The following DIDO1 variants were observed in gnomAD, a reference collection of about 807,000 sequenced individuals.
The protein encoded by DIDO1 is death-inducer obliterator 1.
A neutral mutation model predicts 99.4 loss-of-function variants in DIDO1; 16 were observed. The ratio of observed to expected loss-of-function variants is 0.16; its 90% CI spans 0.11 to 0.24. The LOEUF (loss-of-function observed/expected upper bound fraction) is 0.24, where lower values mean the gene tolerates loss of function less well. Among genes scored for constraint, DIDO1 ranks in the 10% least tolerant of loss-of-function variants. The probability of loss-of-function intolerance (pLI) is 1.00; values close to 1 mark genes in which losing one functional copy is unlikely to be tolerated. For missense variants in DIDO1, 2,996 were observed against 3,014.0 expected (o/e 0.99, Z 0.14); for synonymous variants, 1,366 against 1,239.1 (o/e 1.10, Z -2.15).
chr20:62,917,587 C>G (rs556348277), intron 1 of DIDO1, among the ~76,000 whole-genome samples: 1 of 152,320 alleles, frequency 6.6e-6, no homozygotes, highest in South Asian at 2.1e-4. Context: ...CCACTCGGCT[C>G]CCAGCTCAAT....
chr20:62,888,319 C>T (rs1443071505), intron 15 of DIDO1: 1 of 985,450 alleles, frequency 1.0e-6, no homozygotes, highest in Non-Finnish European at 1.2e-6. Context: ...ACAGGACCTT[C>T]TCCTTAACAT....
intron 3 of DIDO1, 131 bp from the exon 4 acceptor site, chr20:62,910,151 C>A (rs1035244444): frequency 3.9e-5 from 40 of 1,014,240 alleles, no homozygotes; most frequent in Non-Finnish European, 5.3e-5. Flanking sequence ...TTAAGAACGT[C>A]CTCATGCCTT....
In DIDO1 at chr20:62,879,042, AGTT is replaced by A. The variant is rs2064149865; in HGVS notation, c.*188_*190del. 1 of 498,886 alleles carries A rather than the reference AGTT, an allele frequency of 2.0e-6. No homozygotes were observed. The highest frequency in any genetic ancestry group is 3.3e-6 in the Non-Finnish European group (1 of 304,134). The allele number at this position is 498,886 out of a possible 1,614,324, so 30.9% of individuals were successfully genotyped here. On this transcript the variant is annotated 3_prime_UTR_variant, in exon 16 of 16. Coordinates refer to ENST00000395343, the MANE Select transcript of DIDO1 (RefSeq NM_001193369.2). The surrounding 1 kb of genome is among the most constrained non-coding windows in gnomAD (Gnocchi z 6.3). ...ATTTTAAATGGAAATATTAAAGTTT[AGTT>A]TTTTTAAAAAAGCATCAGAATTGTA...
intron 2 of DIDO1, among the ~76,000 whole-genome samples, chr20:62,912,907 C>A (rs894191307): frequency 6.6e-6 from 1 of 152,164 alleles, no homozygotes; most frequent in Non-Finnish European, 1.5e-5. Flanking sequence ...TGGCAGGCGC[C>A]TGTAATCCCA....
chr20:62,908,405 C>G (rs2064853900), intron 4 of DIDO1, among the ~76,000 whole-genome samples: 1 of 152,190 alleles, frequency 6.6e-6, no homozygotes, highest in Non-Finnish European at 1.5e-5. Context: ...GCAGCAGGTC[C>G]AGGCTTCCCA....
Position 62,879,284 on chromosome 20 carries a change from C to CG in DIDO1, c.6671dup (p.Lys2225GlufsTer32). 6.3e-7 allele frequency: 1 copy of CG among 1,576,478 alleles called. No individual in the cohort carries two copies. Among genetic ancestry groups the CG allele is most frequent in the Non-Finnish European group, 8.6e-7 (1 of 1,164,268 alleles). On this transcript the variant is annotated frameshift_variant, in exon 16 of 16. Coordinates refer to ENST00000395343, the MANE Select transcript of DIDO1 (RefSeq NM_001193369.2). LOFTEE classifies it low-confidence loss of function (END_TRUNC). The surrounding 1 kb of genome is among the most constrained non-coding windows in gnomAD (Gnocchi z 6.3). ...CGGAGGCCCTCGAGGCCTCGGGCTT[C>CG]GGGTCCCGAGCGCTCTCTTTGCTCT...
intron 5 of DIDO1, among the ~76,000 whole-genome samples, chr20:62,906,863 C>A (rs1318847813): frequency 5.9e-5 from 9 of 152,220 alleles, no homozygotes; most frequent in African/African-American, 2.2e-4. Context: ...CGGGTGGTTA[C>A]CAACTCTTCT....
In DIDO1 at chr20:62,881,105, G is replaced by C. The variant is rs766396871; in HGVS notation, c.4851C>G (p.Ser1617=). 6.2e-7 allele frequency: 1 copy of C among 1,609,364 alleles called. No individual in the cohort carries two copies. The highest frequency in any genetic ancestry group is 8.5e-7 in the Non-Finnish European group (1 of 1,179,538). Reference sequence around the variant, plus strand: ...GGGGCTTTTCGCCCGAAGCCCAGGGGGAAGAGGCTGGCTCTTTTTCCTCCG... The same window carrying C: ...GGGGCTTTTCGCCCGAAGCCCAGGGCGAAGAGGCTGGCTCTTTTTCCTCCG... ...PVPEEKEPAS[S]PWASGEKPPA... Residue 1617 remains serine (S), a synonymous_variant, in exon 16 of 16, where the codon TCC becomes TCG. Transcript: ENST00000395343. The surrounding 1 kb of genome is among the most constrained non-coding windows in gnomAD (Gnocchi z 8.3).
At chr20:62,921,192 G>A (rs1449683076) in intron 1 of DIDO1, among the ~76,000 whole-genome samples, 2 of 152,196 alleles carry the variant, frequency 1.3e-5, no homozygotes, top group Middle Eastern at 3.2e-3. Context: ...CACCGTGCCC[G>A]GCTGGTTTCC....
upstream of DIDO1, chr20:62,929,331 G>A (rs1489970661): frequency 6.6e-6 from 1 of 152,248 alleles, no homozygotes; most frequent in African/African-American, 2.4e-5. Flanking sequence ...AGCAGCGGGG[G>A]AGGGGCACGG....
intron 6 of DIDO1, 150 bp from the exon 7 acceptor site, chr20:62,897,146 T>C (rs1355003582): frequency 1.3e-6 from 1 of 746,796 alleles, no homozygotes; most frequent in Non-Finnish European, 2.1e-6. Context: ...TGTAAAATGT[T>C]AGTGTTCAGA....
At position 62,909,809 on chromosome 20, in the gene DIDO1, T is replaced by C. The variant is rs772628271; in HGVS notation, c.1051A>G (p.Thr351Ala). Residue 351 changes from threonine (T) to alanine (A), a missense_variant, in exon 4 of 16, where the codon ACA (threonine) becomes GCA (alanine). Thr to Ala is a moderately conservative substitution (Grantham distance 58, BLOSUM62 0). Transcript: ENST00000395343. ...RPGDADGTDC[T>A]SIGTIEQKSS... ...TTCTGCTCTATTGTTCCTATACTTG[T>C]ACAATCGGTGCCATCAGCATCTCCA... 9 of 1,614,254 alleles carry C rather than the reference T, an allele frequency of 5.6e-6. No homozygotes were observed. In the Admixed American group the frequency reaches 1.2e-4, roughly 21 times the overall value.
rs1419045370 is a variant in DIDO1 at position 62,880,361 on chromosome 20, G to A, written c.5595C>T (p.Gly1865=). 3.7e-6 allele frequency: 6 copies of A among 1,612,798 alleles called. No individual in the cohort carries two copies. Among genetic ancestry groups the A allele is most frequent in the South Asian group, 1.1e-5 (1 of 91,066 alleles). The change falls in exon 16 of 16, where the codon GGC becomes GGT. Residue 1865 remains glycine, a synonymous_variant. Coordinates refer to ENST00000395343, the MANE Select transcript of DIDO1 (RefSeq NM_001193369.2). ...CTGTCCCTTCAAACTGGGCGGGGGC[G>A]CCCGTCACCTCGTTATACGGGGCGT... ...FQDAPYNEVT[G]APAQFEGTEQ...
chr20:62,900,943 A>AG (rs2064658643), intron 6 of DIDO1, among the ~76,000 whole-genome samples: 1 of 152,238 alleles, frequency 6.6e-6, no homozygotes, highest in African/African-American at 2.4e-5. Flanking sequence ...GCCCTCAGTG[A>AG]GGCGTGTGTA....
rs1394721892 is a variant in DIDO1, at chr20:62,910,761, A to G, written c.839+13T>C. 1 of 1,599,766 alleles carries G rather than the reference A, an allele frequency of 6.3e-7. No individual in the cohort carries two copies. Among genetic ancestry groups the G allele is most frequent in the African/African-American group, 1.3e-5 (1 of 74,516 alleles). On this transcript the variant is annotated intron_variant, in intron 3 of 15. Transcript: ENST00000395343. ...AACCCTGGGATTTCTGTGGGTGCCC[A>G]CACATGACCCACCTGTTGTTGTGAG...
At chr20:62,929,692 A>AAAAAAAAAAAAATATATATATAT, upstream of DIDO1, among the ~76,000 whole-genome samples, 57 of 63,720 alleles carry the variant, frequency 8.9e-4, 1 homozygote, top group African/African-American at 4.0e-3. Context: ...AAAAAGAAAA[A>AAAAAAAAAAAAATATATATATAT]GTGTATATAT....
intron 6 of DIDO1, among the ~76,000 whole-genome samples, chr20:62,897,531 G>A (rs145155426): frequency 2.7e-3 from 409 of 152,292 alleles, no homozygotes; most frequent in African/African-American, 9.3e-3. Flanking sequence ...ATGGAAAGCT[G>A]GCATACACCT....
chr20:62,887,503 A>C, intron 15 of DIDO1: 1 of 985,470 alleles, frequency 1.0e-6, no homozygotes. Flanking sequence ...GCAGCTACAG[A>C]GGGCGGTGTT....
chr20:62,922,200 A>G (rs534513710), intron 1 of DIDO1, among the ~76,000 whole-genome samples: 66 of 143,200 alleles, frequency 4.6e-4, no homozygotes, highest in Admixed American at 5.0e-4. Flanking sequence ...GTGTGTGTAT[A>G]TATATATGTA....
Sources: allele counts gnomAD v4.1 joint callset (sites outside exome capture counted in the v4.1 genomes callset), GRCh38; gene constraint gnomAD v4.1.1; non-coding constraint Gnocchi (gnomAD v3.1); transcripts MANE v1.5; gene names NCBI Gene and HGNC (gene_info 2026-07-23, HGNC 2026-07-21).